Variants in CSMD1 observed in about 807,000 individuals in gnomAD.
The protein encoded by CSMD1 is CUB and Sushi multiple domains 1, also known as CUB and sushi domain-containing protein 1.
A neutral mutation model predicts 417.5 loss-of-function variants in CSMD1; 213 were observed. The ratio of observed to expected loss-of-function variants is 0.51; its 90% CI spans 0.46 to 0.57. CSMD1 has a LOEUF of 0.57. CSMD1 is among the 20% of genes least tolerant of loss of function. The probability of loss-of-function intolerance (pLI) is 0.00; values close to 1 mark genes in which losing one functional copy is unlikely to be tolerated. For synonymous variants in CSMD1, 2,862 were observed against 1,736.8 expected (o/e 1.65, Z -16.11); for missense variants, 6,923 against 4,529.7 (o/e 1.53, Z -15.17).
intron 5 of CSMD1, among the ~76,000 whole-genome samples, chr8:3,984,618 G>C (rs899514744): frequency 6.7e-6 from 1 of 148,866 alleles, no homozygotes; most frequent in Admixed American, 6.8e-5. Flanking sequence ...ACAGCTAGGG[G>C]TTTCATTTGA....
chr8:3,816,445 T>C (rs1274417904), intron 5 of CSMD1, among the ~76,000 whole-genome samples: 1 of 152,194 alleles, frequency 6.6e-6, no homozygotes, highest in Non-Finnish European at 1.5e-5. Flanking sequence ...TTATCATTGT[T>C]CTATTCCGTT....
intron 3 of CSMD1, among the ~76,000 whole-genome samples, chr8:4,137,062 T>G (rs1350695383): frequency 6.6e-6 from 1 of 152,240 alleles, no homozygotes; most frequent in Non-Finnish European, 1.5e-5. Flanking sequence ...GGGCTCTAAC[T>G]TCCTTTGCTA....
At chr8:3,661,784 A>T (rs928658118) in intron 7 of CSMD1, among the ~76,000 whole-genome samples, 8 of 152,196 alleles carry the variant, frequency 5.3e-5, no homozygotes, top group African/African-American at 1.9e-4. Context: ...GGCCTGAGCC[A>T]CCATGACCGG....
intron 2 of CSMD1, among the ~76,000 whole-genome samples, chr8:4,588,733 C>T (rs926831883): frequency 6.6e-6 from 1 of 151,366 alleles, no homozygotes; most frequent in Non-Finnish European, 1.5e-5. Flanking sequence ...TGCAGTAAGC[C>T]GAGATTGCAC....
At chr8:3,447,717 T>G (rs1008261963) in intron 12 of CSMD1, among the ~76,000 whole-genome samples, 1 of 152,188 alleles carries the variant, frequency 6.6e-6, no homozygotes, top group Non-Finnish European at 1.5e-5. Context: ...TTCAGCCCTG[T>G]TGCAGGGATG....
At chr8:3,452,671 T>C (rs7000546) in intron 12 of CSMD1, among the ~76,000 whole-genome samples, 335 of 152,334 alleles carry the variant, frequency 2.2e-3, no homozygotes, top group African/African-American at 7.6e-3. Context: ...TGAAACCCAC[T>C]TGATCATGGT....
intron 3 of CSMD1, among the ~76,000 whole-genome samples, chr8:4,397,599 G>C (rs1487277028): frequency 7.5e-6 from 1 of 133,416 alleles, no homozygotes; most frequent in Non-Finnish European, 1.5e-5. Context: ...CAGCACCTGA[G>C]ATTCACTTTT....
Position 4,011,536 on chromosome 8 carries a change from G to A in CSMD1, c.611-13426C>T, listed in dbSNP as rs190426609. ...TCACCCTCCTGGGTTTCCTGCAGAA[G>A]GCCCACATGTCAGCCACAGCCAGAA... On this transcript the variant is annotated intron_variant, in intron 4 of 69. Coordinates refer to ENST00000635120, the MANE Select transcript of CSMD1 (RefSeq NM_033225.6). Among the ~76,000 whole-genome samples, 772 of 152,228 alleles carry A rather than the reference G, an allele frequency of 5.1e-3. 6 individuals carry two copies. Among genetic ancestry groups the A allele is most frequent in the South Asian group, 8.5e-3 (41 of 4,826 alleles).
chr8:4,449,451 T>C (rs1342236922), intron 2 of CSMD1, among the ~76,000 whole-genome samples: 1 of 152,184 alleles, frequency 6.6e-6, no homozygotes, highest in East Asian at 1.9e-4. Flanking sequence ...CAATTTTTGT[T>C]GATAATTCAG....
intron 2 of CSMD1, among the ~76,000 whole-genome samples, chr8:4,440,856 G>A (rs1798427114): frequency 6.6e-6 from 1 of 151,828 alleles, no homozygotes; most frequent in Non-Finnish European, 1.5e-5. Context: ...ACTTAGCTGG[G>A]AGTGGGGGTG....
intron 10 of CSMD1, among the ~76,000 whole-genome samples, chr8:3,510,997 T>C (rs571026748): frequency 5.9e-5 from 9 of 151,872 alleles, no homozygotes; most frequent in East Asian, 5.8e-4. Context: ...CCATCAATGA[T>C]AGACCAAACA....
chr8:4,082,912 A>G (rs190705691), intron 3 of CSMD1, among the ~76,000 whole-genome samples: 3 of 151,570 alleles, frequency 2.0e-5, no homozygotes, highest in East Asian at 2.0e-4. Flanking sequence ...ATTATTTCCA[A>G]TTTCATCCAT....
chr8:4,333,930 C>G (rs1800016264), intron 3 of CSMD1, among the ~76,000 whole-genome samples: 1 of 152,090 alleles, frequency 6.6e-6, no homozygotes, highest in African/African-American at 2.4e-5. Flanking sequence ...CTCACTCTGT[C>G]ATCCAGACTG....
chr8:3,296,144 A>G (rs1803947545), intron 25 of CSMD1, among the ~76,000 whole-genome samples: 2 of 152,086 alleles, frequency 1.3e-5, no homozygotes, highest in South Asian at 4.1e-4. Context: ...TGGGATACTA[A>G]TTCTTAGGGG....
intron 3 of CSMD1, among the ~76,000 whole-genome samples, chr8:4,118,212 C>T (rs1050257521): frequency 6.6e-6 from 1 of 152,024 alleles, no homozygotes. Context: ...ATATTAAAAA[C>T]TAAATTTTTA....
At chr8:4,548,564 C>G (rs1023352514) in intron 2 of CSMD1, among the ~76,000 whole-genome samples, 1 of 152,018 alleles carries the variant, frequency 6.6e-6, no homozygotes, top group African/African-American at 2.4e-5. Context: ...AATGCACAAG[C>G]TTTTCTTTTT....
At chr8:4,964,197 C>A (rs1040059484) in intron 1 of CSMD1, among the ~76,000 whole-genome samples, 2 of 151,956 alleles carry the variant, frequency 1.3e-5, no homozygotes, top group Non-Finnish European at 2.9e-5. Flanking sequence ...TACATTAATA[C>A]ATTTTAGAGC....
intron 10 of CSMD1, among the ~76,000 whole-genome samples, chr8:3,510,837 C>T (rs967722547): frequency 1.3e-5 from 2 of 151,784 alleles, no homozygotes; most frequent in Non-Finnish European, 2.9e-5. Context: ...ATATCCTTCC[C>T]CCACTTTTTG....
intron 5 of CSMD1, among the ~76,000 whole-genome samples, chr8:3,806,844 G>A (rs1800768466): frequency 6.6e-6 from 1 of 152,190 alleles, no homozygotes; most frequent in South Asian, 2.1e-4. Context: ...GGTCTAGCTA[G>A]CAGACACAAT....
Sources: gnomAD v4.1 joint callset for allele counts (sites outside exome capture counted in the v4.1 genomes callset) on GRCh38, gnomAD v4.1.1 for gene constraint, MANE v1.5 for transcripts, NCBI Gene and HGNC (gene_info 2026-07-23, HGNC 2026-07-21) for gene names.